Variants in ETV4 observed in about 807,000 individuals in gnomAD.
The protein encoded by ETV4 is ETS variant transcription factor 4.
In ETV4, 42 loss-of-function variants were observed where a neutral mutation model predicts 65.9. The observed-to-expected ratio is 0.64, with a 90% CI of 0.50 to 0.82. The LOEUF (loss-of-function observed/expected upper bound fraction) is 0.82. Ranked by LOEUF, ETV4 falls within the 40% of genes least tolerant of loss-of-function variation. The pLI is 0.00. For synonymous variants in ETV4, 238 were observed against 260.0 expected (o/e 0.92, Z 0.81); for missense variants, 583 against 630.3 (o/e 0.92, Z 0.80).
chr17:43,537,476 T>C (rs1417355332), intron 4 of ETV4, among the ~76,000 whole-genome samples: 18 of 139,154 alleles, frequency 1.3e-4, no homozygotes, highest in Non-Finnish European at 1.6e-5. Context: ...GGAGGATCAC[T>C]TGAGATCAGG....
intron 1 of ETV4, 177 bp downstream of exon 1, chr17:43,546,008 A>C: frequency 4.1e-6 from 1 of 242,438 alleles, no homozygotes; most frequent in Non-Finnish European, 8.0e-6. Flanking sequence ...GGAGCAGGCG[A>C]AGCGCACACC....
Position 43,545,266 on chromosome 17 carries a change from C to A in ETV4, c.154+8G>T. 1.3e-6 allele frequency: 2 copies of A among 1,596,310 alleles called. No homozygotes were observed. The highest frequency in any genetic ancestry group is 1.7e-6 in the Non-Finnish European group (2 of 1,170,116). On this transcript the variant is annotated splice_region_variant and intron_variant, in intron 3 of 12. Coordinates refer to ENST00000319349, the MANE Select transcript of ETV4 (RefSeq NM_001079675.5). ...GGAGGGTCGCGGTTTGTCTCTCTTG[C>A]TCTTTACCTTCAGAGTCGAGGGGCG...
intron 10 of ETV4, 27 bp downstream of exon 10, chr17:43,529,857 C>T (rs1970801054): frequency 6.2e-7 from 1 of 1,612,584 alleles, no homozygotes; most frequent in African/African-American, 1.3e-5. Context: ...AGACCTTGAC[C>T]CTCCCATCAA....
At chr17:43,543,255 G>A (rs999681159) in intron 4 of ETV4, among the ~76,000 whole-genome samples, 4 of 89,022 alleles carry the variant, frequency 4.5e-5, no homozygotes, top group Non-Finnish European at 9.9e-5. Flanking sequence ...CAGGGCAGCA[G>A]CATGTAACTA....
chr17:43,531,699 TCAAAA>T (rs1329114186), intron 8 of ETV4, among the ~76,000 whole-genome samples: 1 of 152,176 alleles, frequency 6.6e-6, no homozygotes, highest in African/African-American at 2.4e-5. Flanking sequence ...AGACTCTGTC[TCAAAA>T]CAAACAAAAC....
rs965644603 is a variant in ETV4, at chr17:43,545,663, C to A, written c.-46G>T. ...CACGGCCGGGGCCCCAAGCGGGGGC[C>A]GAGACCTGGTGGGGGAGGGGGCTGC... On this transcript the variant is annotated 5_prime_UTR_variant, in exon 2 of 13. Coordinates refer to ENST00000319349, the MANE Select transcript of ETV4 (RefSeq NM_001079675.5). The A allele has an allele frequency of 8.8e-5, 134 of 1,531,220 alleles. No individual in the cohort carries two copies. In the Middle Eastern group the frequency reaches 2.6e-3, roughly 29 times the overall value. The allele number at this position is 1,531,220 out of a possible 1,614,324, so 94.9% of individuals were successfully genotyped here.
At chr17:43,545,148 G>A in intron 3 of ETV4, 126 bp from the exon 4 acceptor site, 1 of 1,297,472 alleles carries the variant, frequency 7.7e-7, no homozygotes, top group Non-Finnish European at 1.1e-6. Flanking sequence ...AAAATCCCTT[G>A]GAGGGCGAGT....
chr17:43,540,548 G>A (rs1023131766), intron 4 of ETV4, among the ~76,000 whole-genome samples: 8 of 152,180 alleles, frequency 5.3e-5, no homozygotes, highest in African/African-American at 1.9e-4. Context: ...CCAGGCATCT[G>A]CATTTTAAAA....
intron 4 of ETV4, among the ~76,000 whole-genome samples, chr17:43,540,177 G>C (rs561076430): frequency 2.6e-5 from 4 of 152,222 alleles, no homozygotes; most frequent in African/African-American, 9.7e-5. Context: ...TTACAGCCAG[G>C]TGTGGTGGCT....
At position 43,529,161 on chromosome 17, in the gene ETV4, A is replaced by G; in HGVS notation, c.1204T>C (p.Tyr402His). The G allele has an allele frequency of 6.2e-7, 1 of 1,613,884 alleles. No individual in the cohort carries two copies. The highest frequency in any genetic ancestry group is 8.5e-7 in the Non-Finnish European group (1 of 1,180,006). The stretch of plus-strand genomic sequence containing the variant: ...TTCTGCATGATGCCTTTCTCATAAT[A>G]GTATCGGAGCGAGCGGCTCAGCTTG... Reference protein sequence around the residue: ...YDKLSRSLRYYYEKGIMQKVA... With the variant: ...YDKLSRSLRYHYEKGIMQKVA... The change falls in exon 12 of 13, where the codon TAT (tyrosine) becomes CAT (histidine). Residue 402 changes from tyrosine to histidine, a missense_variant. By Grantham distance (83) the Tyr-to-His change is moderately conservative. Coordinates refer to ENST00000319349, the MANE Select transcript of ETV4 (RefSeq NM_001079675.5).
intron 4 of ETV4, among the ~76,000 whole-genome samples, chr17:43,538,000 G>A (rs1434687899): frequency 1.3e-5 from 2 of 152,124 alleles, no homozygotes; most frequent in East Asian, 3.9e-4. Context: ...TGTGGTGGCG[G>A]GTGCCTGTAG....
intron 4 of ETV4, among the ~76,000 whole-genome samples, chr17:43,541,490 CAG>C (rs1025512237): frequency 4.6e-5 from 7 of 151,198 alleles, no homozygotes; most frequent in African/African-American, 1.7e-4. Context: ...GCATAATGCC[CAG>C]AGAGAGAGAA....
intron 4 of ETV4, among the ~76,000 whole-genome samples, chr17:43,543,297 C>CTG (rs1555559952): frequency 6.8e-5 from 10 of 146,900 alleles, no homozygotes; most frequent in African/African-American, 2.5e-4. Context: ...CTCTCTCTCT[C>CTG]ACACACACAC....
chr17:43,545,938 T>C (rs1333480787), intron 1 of ETV4: 54 of 167,806 alleles, frequency 3.2e-4, no homozygotes, highest in Middle Eastern at 1.8e-3. Flanking sequence ...TAAGAACGTG[T>C]GTGTGTGTGT....
intron 4 of ETV4, among the ~76,000 whole-genome samples, chr17:43,543,645 C>T (rs76617337): frequency 3.3e-5 from 5 of 152,114 alleles, no homozygotes; most frequent in Non-Finnish European, 7.4e-5. Context: ...TCCAGAACCT[C>T]AGAAGAAGGA....
At chr17:43,544,855 A>C (rs1971718792) in intron 4 of ETV4, 120 bp downstream of exon 4, 11 of 915,882 alleles carry the variant, frequency 1.2e-5, no homozygotes, top group Non-Finnish European at 1.9e-5. Flanking sequence ...AGGGCCTTGG[A>C]GAACTCCTTG....
intron 4 of ETV4, among the ~76,000 whole-genome samples, chr17:43,537,961 T>C (rs1447257689): frequency 3.9e-5 from 6 of 152,058 alleles, no homozygotes; most frequent in Non-Finnish European, 8.8e-5. Context: ...ACCCTGTCTC[T>C]ACTAAAAATA....
At chr17:43,532,524 T>A in intron 8 of ETV4, 150 bp downstream of exon 8, 1 of 732,872 alleles carries the variant, frequency 1.4e-6, no homozygotes, top group Non-Finnish European at 2.2e-6. Context: ...GAAAGAAAAA[T>A]AACATTCTTT....
intron 4 of ETV4, chr17:43,544,691 A>C (rs1971710625): frequency 3.2e-6 from 1 of 313,104 alleles, no homozygotes; most frequent in African/African-American, 2.1e-5. Flanking sequence ...GCCTGGGGCC[A>C]AGTTCCATTC....
Sources: allele counts gnomAD v4.1 joint callset (sites outside exome capture counted in the v4.1 genomes callset), GRCh38; gene constraint gnomAD v4.1.1; transcripts MANE v1.5; gene names NCBI Gene and HGNC (gene_info 2026-07-23, HGNC 2026-07-21).